UPF2: variants seen among roughly 807,000 people sequenced by gnomAD.
UPF2 encodes the protein UPF2 regulator of nonsense mediated mRNA decay, also known as regulator of nonsense transcripts 2.
In UPF2, 17 loss-of-function variants were observed where a neutral mutation model predicts 141.4. That is an observed-to-expected ratio of 0.12 (90% CI 0.08 to 0.18). The LOEUF (loss-of-function observed/expected upper bound fraction) is 0.18, where lower values mean the gene tolerates loss of function less well. UPF2 is among the 10% of genes least tolerant of loss of function. UPF2 has a pLI of 1.00. For synonymous variants in UPF2, 540 were observed against 498.0 expected, an observed-to-expected ratio of 1.08 and a Z score of -1.12; for missense variants, 1,152 against 1,515.9, an observed-to-expected ratio of 0.76 and a Z score of 3.99.
At position 11,979,180 on chromosome 10, in the gene UPF2, T is replaced by C. The variant is rs982164119; in HGVS notation, c.1845-15A>G. On this transcript the variant is annotated splice_polypyrimidine_tract_variant and intron_variant, in intron 8 of 21. Transcript: ENST00000357604. This position sits in a 1 kb window ranked among gnomAD's most constrained non-coding sequence, Gnocchi z 6.2. ...GCAAATCCAACCTGCAAAAGTTATA[T>C]GTGATATGTGTCAAAGGAAAGACAT... is the stretch of plus-strand genomic sequence containing the variant. 6.3e-7 allele frequency: 1 copy of C among 1,582,244 alleles called. No homozygotes were observed. Among genetic ancestry groups the C allele is most frequent in the Non-Finnish European group, 8.7e-7 (1 of 1,154,396 alleles).
rs1833156103 is a variant in UPF2 at position 11,956,625 on chromosome 10, T to C, written c.2371-102A>G. 2.0e-6 allele frequency: 2 copies of C among 1,010,716 alleles called. No individual in the cohort carries two copies. The highest frequency in any genetic ancestry group is 2.9e-6 in the Non-Finnish European group (2 of 679,818). 62.6% of individuals were successfully genotyped at this position (1,010,716 alleles called of 1,614,324 possible). On this transcript the variant is annotated intron_variant, in intron 12 of 21. Transcript: ENST00000357604. The surrounding 1 kb of genome is among the most constrained non-coding windows in gnomAD (Gnocchi z 4.2). ...ATGATTGCGCAGAGAACTTTTGAAA[T>C]AGAAAATACATTAGAAATCCTCTAT...
In UPF2 at chr10:11,939,221, A is replaced by T. The variant is rs1274799141; in HGVS notation, c.3379-2509T>A. 6.6e-6 allele frequency among the ~76,000 whole-genome samples: 1 copy of T among 152,138 alleles called. No individual in the cohort carries two copies. The highest frequency in any genetic ancestry group is 2.4e-5 in the African/African-American group (1 of 41,414). On this transcript the variant is annotated intron_variant, in intron 18 of 21. Coordinates refer to ENST00000357604, the MANE Select transcript of UPF2 (RefSeq NM_015542.4). This position sits in a 1 kb window ranked among gnomAD's most constrained non-coding sequence, Gnocchi z 4.8. ...TCTGTTTCTTTAGCTAAAGCAAAGG[A>T]ATACTAACAGTATCTGACAGCACTA...
rs954958845 is a variant in UPF2 at position 12,016,815 on chromosome 10, G to A, written c.1146-2631C>T. Among the ~76,000 whole-genome samples, 7 of 152,100 alleles carry A rather than the reference G, an allele frequency of 4.6e-5. No individual in the cohort carries two copies. The highest frequency in any genetic ancestry group is 7.4e-5 in the Non-Finnish European group (5 of 67,998). Reference sequence around the variant, plus strand: ...AGGCAGGCGGATCACCTGAGGTGAGGAGTTCAAGATCAGCCTGGCCCATGG... The same window carrying A: ...AGGCAGGCGGATCACCTGAGGTGAGAAGTTCAAGATCAGCCTGGCCCATGG... On this transcript the variant is annotated intron_variant, in intron 3 of 21. Transcript: ENST00000357604. The surrounding 1 kb of genome is among the most constrained non-coding windows in gnomAD (Gnocchi z 4.1).
At chr10:11,948,005 T>C (rs924042989) in intron 16 of UPF2, among the ~76,000 whole-genome samples, 2 of 151,730 alleles carry the variant, frequency 1.3e-5, no homozygotes, top group Non-Finnish European at 2.9e-5. Flanking sequence ...TCCAGCACTT[T>C]GGGAGGCTGA....
Position 11,997,667 on chromosome 10 carries a change from C to T in UPF2, c.1844+5G>A, listed in dbSNP as rs1355510811. The T allele has an allele frequency of 1.2e-6, 2 of 1,613,346 alleles. No homozygotes were observed. Among genetic ancestry groups the T allele is most frequent in the Admixed American group, 1.7e-5 (1 of 59,986 alleles). On this transcript the variant is annotated splice_donor_5th_base_variant and intron_variant, in intron 8 of 21. Coordinates refer to ENST00000357604, the MANE Select transcript of UPF2 (RefSeq NM_015542.4). ...ACTAATAAATTTCTCTTTCATAACA[C>T]TTACCTTTGTCTAGGAACTATGAAG...
intron 8 of UPF2, among the ~76,000 whole-genome samples, chr10:11,991,872 G>A (rs1425985541): frequency 2.0e-5 from 3 of 152,154 alleles, no homozygotes; most frequent in Non-Finnish European, 2.9e-5. Flanking sequence ...CAGGCCAGGC[G>A]CAGTGGCTCA....
Position 11,985,884 on chromosome 10 carries a change from C to CTTTTTTTTTTTTTTTT in UPF2, c.1845-6735_1845-6720dup, listed in dbSNP as rs746117868. Among the ~76,000 whole-genome samples the CTTTTTTTTTTTTTTTT allele has an allele frequency of 5.0e-4, 50 of 100,720 alleles. 5 individuals carry two copies. The highest frequency in any genetic ancestry group is 8.9e-4 in the African/African-American group (21 of 23,646). 66.1% of individuals were successfully genotyped at this position (100,720 alleles called of 152,430 possible). A position where few individuals can be genotyped will look rare whatever the true frequency, so the allele number is the denominator to read the frequency against. On this transcript the variant is annotated intron_variant, in intron 8 of 21. Coordinates refer to ENST00000357604, the MANE Select transcript of UPF2 (RefSeq NM_015542.4). The stretch of plus-strand genomic sequence containing the variant: ...CAACTGAAAAATAATTAGATCCTTC[C>CTTTTTTTTTTTTTTTT]TTTTTTTTTTTTTTTTGTGAGACGG...
intron 4 of UPF2, among the ~76,000 whole-genome samples, chr10:12,013,125 A>C (rs1316467340): frequency 7.1e-6 from 1 of 140,604 alleles, no homozygotes; most frequent in African/African-American, 2.6e-5. Flanking sequence ...ACTCTGTCTC[A>C]AAAAAAAAAA....
chr10:11,925,449 A>C (rs1436689022), intron 21 of UPF2, among the ~76,000 whole-genome samples: 3 of 152,276 alleles, frequency 2.0e-5, no homozygotes, highest in African/African-American at 7.2e-5. Flanking sequence ...GACTGAACAC[A>C]GACTGTGAAA....
At chr10:11,942,544 T>C (rs1056787778) in intron 18 of UPF2, 121 bp downstream of exon 18, 1 of 798,066 alleles carries the variant, frequency 1.3e-6, no homozygotes, top group South Asian at 1.8e-5. Flanking sequence ...CTACACATGA[T>C]CTAGCAAAAG....
chr10:12,036,790 C>T (rs1262230654), intron 1 of UPF2, among the ~76,000 whole-genome samples: 1 of 152,172 alleles, frequency 6.6e-6, no homozygotes, highest in African/African-American at 2.4e-5. Flanking sequence ...CTTTGGAAGG[C>T]CAAGGCAGGC....
chr10:11,963,349 T>A (rs1156864382), intron 11 of UPF2, among the ~76,000 whole-genome samples: 1 of 152,128 alleles, frequency 6.6e-6, no homozygotes, highest in African/African-American at 2.4e-5. Context: ...CATTCATTCA[T>A]TCATTCGAGA....
At chr10:11,954,303 C>T (rs186436064) in intron 14 of UPF2, among the ~76,000 whole-genome samples, 8 of 152,004 alleles carry the variant, frequency 5.3e-5, no homozygotes, top group Admixed American at 1.3e-4. Flanking sequence ...TTAAAAATAA[C>T]ACATTTTCCT....
At chr10:12,003,342 C>G (rs954662178) in intron 5 of UPF2, among the ~76,000 whole-genome samples, 2 of 152,156 alleles carry the variant, frequency 1.3e-5, no homozygotes, top group Non-Finnish European at 2.9e-5. Flanking sequence ...AAAAAACATA[C>G]AATTTATCTG....
intron 20 of UPF2, among the ~76,000 whole-genome samples, chr10:11,930,730 C>A (rs918440487): frequency 2.6e-5 from 4 of 152,114 alleles, no homozygotes; most frequent in African/African-American, 9.7e-5. Flanking sequence ...GCAGTGATTG[C>A]GCCACTGCAC....
chr10:11,978,988 C>T, intron 9 of UPF2, 69 bp downstream of exon 9: 1 of 1,245,420 alleles, frequency 8.0e-7, no homozygotes, highest in Admixed American at 1.9e-5. Flanking sequence ...CCAACAATTA[C>T]ATTCTTAAAG....
intron 2 of UPF2, among the ~76,000 whole-genome samples, chr10:12,033,842 C>T (rs1229456319): frequency 6.6e-6 from 1 of 152,124 alleles, no homozygotes; most frequent in Non-Finnish European, 1.5e-5. Context: ...AACCACCATG[C>T]CCGGCCTAAT....
Position 11,959,398 on chromosome 10 carries a change from A to C in UPF2, c.2185-42T>G. On this transcript the variant is annotated intron_variant, in intron 11 of 21. Coordinates refer to ENST00000357604, the MANE Select transcript of UPF2 (RefSeq NM_015542.4). This position sits in a 1 kb window ranked among gnomAD's most constrained non-coding sequence, Gnocchi z 5.9. ...AAATTAATCAAAACACGTTCCTTCT[A>C]AGATTCCTTTACTCCTAACTAAACT... 1 of 1,516,814 alleles carries C rather than the reference A, an allele frequency of 6.6e-7. No individual in the cohort carries two copies. Among genetic ancestry groups the C allele is most frequent in the Non-Finnish European group, 8.8e-7 (1 of 1,136,632 alleles). 94.0% of individuals were successfully genotyped at this position (1,516,814 alleles called of 1,614,324 possible).
At chr10:11,984,282 A>T (rs1833649398) in intron 8 of UPF2, among the ~76,000 whole-genome samples, 1 of 152,242 alleles carries the variant, frequency 6.6e-6, no homozygotes, top group African/African-American at 2.4e-5. Flanking sequence ...TTTATCTTGA[A>T]GGAATTTTGA....
Sources: gnomAD v4.1 joint callset for allele counts (sites outside exome capture counted in the v4.1 genomes callset) on GRCh38, gnomAD v4.1.1 for gene constraint, Gnocchi (gnomAD v3.1) non-coding constraint, MANE v1.5 for transcripts, NCBI Gene and HGNC (gene_info 2026-07-23, HGNC 2026-07-21) for gene names.